The following TMEM217B variants were observed in gnomAD, a reference collection of about 807,000 sequenced individuals.
TMEM217B encodes the protein transmembrane protein 217B, also known as putative transmembrane protein 217B.
chr6:37,223,568 G>A, the TMEM217B span, among the ~76,000 whole-genome samples: 1 of 152,162 alleles, frequency 6.6e-6, no homozygotes, highest in South Asian at 2.1e-4. Context: ...GAGTACAGTG[G>A]CGTGATCTCA....
chr6:37,248,383 A>G, the TMEM217B span, among the ~76,000 whole-genome samples: 1 of 152,220 alleles, frequency 6.6e-6, no homozygotes, highest in Non-Finnish European at 1.5e-5. Context: ...GCTGCATTGA[A>G]TTGAGGTCAA....
At chr6:37,226,642 G>A in the TMEM217B span, among the ~76,000 whole-genome samples, 5 of 151,424 alleles carry the variant, frequency 3.3e-5, no homozygotes, top group Middle Eastern at 3.4e-3. Context: ...GCAGTGGCAC[G>A]ATCTCGCCTC....
At chr6:37,229,335 G>GTT in the TMEM217B span, among the ~76,000 whole-genome samples, 194 of 74,322 alleles carry the variant, frequency 2.6e-3, 31 homozygotes, top group African/African-American at 3.0e-3. Flanking sequence ...GCAACTTTCA[G>GTT]TTTTTTTTTT....
At chr6:37,223,646 T>C in the TMEM217B span, among the ~76,000 whole-genome samples, 3 of 151,262 alleles carry the variant, frequency 2.0e-5, no homozygotes, top group Non-Finnish European at 1.5e-5. Context: ...GTAGCTGGGA[T>C]TACAAGCGTG....
chr6:37,218,142 G>T, the TMEM217B span: 3 of 1,115,358 alleles, frequency 2.7e-6, no homozygotes, highest in African/African-American at 1.7e-5. Flanking sequence ...CAACATGATT[G>T]CTTATAGTGG....
chr6:37,226,174 C>T, the TMEM217B span, among the ~76,000 whole-genome samples: 1 of 151,068 alleles, frequency 6.6e-6, no homozygotes. Context: ...TTCACTGAGT[C>T]TATGCTTATT....
the TMEM217B span, among the ~76,000 whole-genome samples, chr6:37,224,324 T>C: frequency 3.3e-4 from 50 of 150,444 alleles, no homozygotes; most frequent in African/African-American, 1.0e-3. Context: ...TTTAGCTGGG[T>C]GCAGTGGCTC....
At chr6:37,232,123 T>C in the TMEM217B span, among the ~76,000 whole-genome samples, 4 of 152,120 alleles carry the variant, frequency 2.6e-5, no homozygotes, top group East Asian at 5.8e-4. Context: ...AGGGGTGAAA[T>C]GGAATTTATT....
the TMEM217B span, among the ~76,000 whole-genome samples, chr6:37,254,297 C>A: frequency 2.0e-5 from 3 of 152,136 alleles, no homozygotes; most frequent in Non-Finnish European, 4.4e-5. Flanking sequence ...CAAGAAGGAC[C>A]TCCATCAGAA....
At chr6:37,229,563 C>G in the TMEM217B span, among the ~76,000 whole-genome samples, 3 of 151,928 alleles carry the variant, frequency 2.0e-5, no homozygotes, top group African/African-American at 7.3e-5. Context: ...AGGATGGTCT[C>G]GATCTCCTGA....
the TMEM217B span, among the ~76,000 whole-genome samples, chr6:37,229,342 T>TTTTTG: frequency 3.2e-5 from 4 of 125,812 alleles, no homozygotes; most frequent in African/African-American, 9.4e-5. Flanking sequence ...TCAGTTTTTT[T>TTTTTG]TTTTTTTTTT....
the TMEM217B span, chr6:37,257,956 C>T: frequency 1.9e-6 from 3 of 1,613,946 alleles, no homozygotes; most frequent in African/African-American, 1.3e-5. Flanking sequence ...GGAAGAGGAG[C>T]GCTAAGCTGC....
the TMEM217B span, among the ~76,000 whole-genome samples, chr6:37,235,404 C>T: frequency 5.3e-5 from 8 of 152,070 alleles, no homozygotes; most frequent in South Asian, 6.2e-4. Context: ...CTTGCTCTGT[C>T]GCCCAGGCTA....
At chr6:37,227,753 T>A in the TMEM217B span, among the ~76,000 whole-genome samples, 1 of 151,838 alleles carries the variant, frequency 6.6e-6, no homozygotes, top group South Asian at 2.1e-4. Context: ...TCAGCCTAAA[T>A]GTTTATTATT....
the TMEM217B span, among the ~76,000 whole-genome samples, chr6:37,229,791 C>T: frequency 6.6e-6 from 1 of 152,120 alleles, no homozygotes; most frequent in African/African-American, 2.4e-5. Context: ...CTATTGCTGC[C>T]ATAACAAATT....
the TMEM217B span, among the ~76,000 whole-genome samples, chr6:37,239,778 G>A: frequency 6.6e-6 from 1 of 151,756 alleles, no homozygotes; most frequent in Admixed American, 6.6e-5. Flanking sequence ...ACATTATAAA[G>A]CTTTAGAGCC....
the TMEM217B span, among the ~76,000 whole-genome samples, chr6:37,214,500 T>C: frequency 6.6e-6 from 1 of 152,048 alleles, no homozygotes; most frequent in African/African-American, 2.4e-5. Context: ...GTGCTGGGAT[T>C]ACAGGCATGA....
the TMEM217B span, among the ~76,000 whole-genome samples, chr6:37,230,586 T>G: frequency 0.014 from 2,086 of 152,188 alleles, 23 homozygotes; most frequent in Non-Finnish European, 0.022. Flanking sequence ...TGTGAAAACA[T>G]GGCGCAGGGG....
the TMEM217B span, among the ~76,000 whole-genome samples, chr6:37,235,397 G>GC: frequency 1.3e-5 from 2 of 151,864 alleles, no homozygotes; most frequent in Non-Finnish European, 2.9e-5. Context: ...ACAGAGTCTT[G>GC]CTCTGTCGCC....
Sources: allele counts gnomAD v4.1 joint callset (sites outside exome capture counted in the v4.1 genomes callset), GRCh38; gene constraint gnomAD v4.1.1; transcripts MANE v1.5; gene names NCBI Gene and HGNC (gene_info 2026-07-23, HGNC 2026-07-21).